The following ERP44 variants were observed in gnomAD, a reference collection of about 807,000 sequenced individuals.
The protein encoded by ERP44 is endoplasmic reticulum resident protein 44.
ERP44 carries 25 observed loss-of-function variants against 53.4 expected under a neutral mutation model. The ratio of observed to expected loss-of-function variants is 0.47; its 90% CI spans 0.34 to 0.65. The LOEUF (loss-of-function observed/expected upper bound fraction) is 0.65. Among genes scored for constraint, ERP44 ranks in the 30% least tolerant of loss-of-function variants. The pLI, the probability that ERP44 is intolerant of heterozygous loss-of-function variation, is 0.01. For missense variants in ERP44, 338 were observed against 493.2 expected, an observed-to-expected ratio of 0.69 and a Z score of 2.98; for synonymous variants, 145 against 161.2, an observed-to-expected ratio of 0.90 and a Z score of 0.76.
chr9:100,053,122 C>T (rs1239502337), intron 3 of ERP44, among the ~76,000 whole-genome samples: 1 of 152,072 alleles, frequency 6.6e-6, no homozygotes, highest in African/African-American at 2.4e-5. Context: ...TCTATCAAAT[C>T]TCACAGGCAA....
At chr9:100,028,685 G>T (rs539451656) in intron 4 of ERP44, among the ~76,000 whole-genome samples, 1 of 152,312 alleles carries the variant, frequency 6.6e-6, no homozygotes, top group East Asian at 1.9e-4. Context: ...AAACTCTGAG[G>T]TTAGTCAAAT....
At chr9:100,010,898 T>C (rs1282199998) in intron 8 of ERP44, among the ~76,000 whole-genome samples, 4 of 98,780 alleles carry the variant, frequency 4.0e-5, no homozygotes, top group Non-Finnish European at 8.0e-5. Flanking sequence ...CGAAACTCCA[T>C]CTCAAAAAAA....
At chr9:99,986,740 C>T (rs1049331193) in intron 10 of ERP44, among the ~76,000 whole-genome samples, 1 of 152,204 alleles carries the variant, frequency 6.6e-6, no homozygotes, top group African/African-American at 2.4e-5. Flanking sequence ...GTGCCAAATG[C>T]ACAGTTTACA....
At chr9:100,060,042 A>G (rs112603805) in intron 2 of ERP44, 58 bp downstream of exon 2, 352 of 1,281,168 alleles carry the variant, frequency 2.7e-4, no homozygotes, top group Non-Finnish European at 3.4e-4. Context: ...TTTTGTATAT[A>G]TAAACTAACT....
intron 4 of ERP44, among the ~76,000 whole-genome samples, chr9:100,045,673 T>C (rs533028379): frequency 1.1e-4 from 17 of 151,924 alleles, no homozygotes; most frequent in Non-Finnish European, 2.5e-4. Flanking sequence ...AAGCAGTGAG[T>C]TGGAAGCAAG....
intron 3 of ERP44, among the ~76,000 whole-genome samples, chr9:100,054,187 T>G (rs1341995861): frequency 6.6e-6 from 1 of 152,224 alleles, no homozygotes; most frequent in African/African-American, 2.4e-5. Context: ...TCATGGACCG[T>G]GTCTTATTTG....
intron 1 of ERP44, 43 bp downstream of exon 1, chr9:100,098,741 C>T: frequency 6.4e-7 from 1 of 1,551,084 alleles, no homozygotes; most frequent in Admixed American, 1.7e-5. Flanking sequence ...GGGCCGGAGG[C>T]CGTTCGTGCG....
intron 1 of ERP44, among the ~76,000 whole-genome samples, chr9:100,081,329 C>A (rs1014557950): frequency 2.0e-4 from 30 of 151,950 alleles, no homozygotes; most frequent in African/African-American, 7.0e-4. Context: ...TTTAATAAGA[C>A]AAAAAGAAAA....
chr9:100,005,214 A>G (rs1277148683), intron 10 of ERP44, among the ~76,000 whole-genome samples: 1 of 152,192 alleles, frequency 6.6e-6, no homozygotes, highest in Non-Finnish European at 1.5e-5. Flanking sequence ...AAACTTCTAC[A>G]AAACTTTATA....
intron 7 of ERP44, among the ~76,000 whole-genome samples, chr9:100,017,863 T>C (rs1021045616): frequency 2.6e-5 from 4 of 152,172 alleles, no homozygotes; most frequent in Admixed American, 6.5e-5. Context: ...AGTAAATTTA[T>C]ACCCCAGAAG....
In ERP44 at chr9:100,075,653, T is replaced by G. The variant is rs578164732; in HGVS notation, c.58-15481A>C. ...TAGGGACGTTCTAACTCAGTAAAAT[T>G]TCTAGGGTTTCAGTGGTGTGGGGCC... On this transcript the variant is annotated intron_variant, in intron 1 of 11. Transcript: ENST00000262455. 3.9e-5 allele frequency among the ~76,000 whole-genome samples: 6 copies of G among 152,282 alleles called. No individual in the cohort carries two copies. The South Asian group carries it at 1.2e-3, about 32-fold the overall frequency.
rs373546780 is a variant in ERP44 at position 99,985,052 on chromosome 9, T to C, written c.1034A>G (p.Lys345Arg). 5 of 1,611,658 alleles carry C rather than the reference T, an allele frequency of 3.1e-6. No individual in the cohort carries two copies. The highest frequency in any genetic ancestry group is 2.2e-5 in the East Asian group (1 of 44,844). ...FKDVLIPGKL[K>R]QFVFDLHSGK... ...AGAATGTAAGTCAAATACGAATTGC[T>C]TGAGTTTTCCAGGAATTCTAAAACC... Residue 345 changes from lysine to arginine, a missense_variant, in exon 11 of 12, where the codon AAG becomes AGG. By Grantham distance (26) the Lys-to-Arg change is conservative. Coordinates refer to ENST00000262455, the MANE Select transcript of ERP44 (RefSeq NM_015051.3).
intron 4 of ERP44, among the ~76,000 whole-genome samples, chr9:100,041,227 C>T (rs530321550): frequency 6.6e-6 from 1 of 152,226 alleles, no homozygotes; most frequent in African/African-American, 2.4e-5. Flanking sequence ...CTGGAGGAAT[C>T]CCATCACCTG....
At chr9:100,032,117 C>CT (rs993698408) in intron 4 of ERP44, among the ~76,000 whole-genome samples, 6 of 151,806 alleles carry the variant, frequency 4.0e-5, no homozygotes, top group African/African-American at 1.2e-4. Context: ...CTGGCTCCCT[C>CT]TTTTTTTTGG....
chr9:100,019,050 C>T (rs2118650965), intron 6 of ERP44, among the ~76,000 whole-genome samples: 1 of 152,220 alleles, frequency 6.6e-6, no homozygotes, highest in African/African-American at 2.4e-5. Flanking sequence ...TAGAGACAGA[C>T]TAACAAGTAG....
chr9:100,041,939 A>G (rs1825908625), intron 4 of ERP44, among the ~76,000 whole-genome samples: 1 of 152,250 alleles, frequency 6.6e-6, no homozygotes, highest in South Asian at 2.1e-4. Flanking sequence ...CTCAGACTTC[A>G]AACTATGAAA....
intron 4 of ERP44, among the ~76,000 whole-genome samples, chr9:100,024,165 C>T (rs892282432): frequency 1.3e-5 from 2 of 149,526 alleles, no homozygotes; most frequent in Non-Finnish European, 2.9e-5. Context: ...ACAACAACAA[C>T]AACAACAACA....
At chr9:100,074,203 C>A (rs914402329) in intron 1 of ERP44, among the ~76,000 whole-genome samples, 4 of 152,270 alleles carry the variant, frequency 2.6e-5, no homozygotes, top group East Asian at 3.9e-4. Flanking sequence ...TGGGTTATCA[C>A]AGGAGTCCCC....
intron 8 of ERP44, among the ~76,000 whole-genome samples, chr9:100,013,187 A>G (rs1484124728): frequency 6.6e-6 from 1 of 152,226 alleles, no homozygotes; most frequent in Non-Finnish European, 1.5e-5. Context: ...CAAATCTGAA[A>G]GCACTTAACA....
Sources: allele counts gnomAD v4.1 joint callset (sites outside exome capture counted in the v4.1 genomes callset), GRCh38; gene constraint gnomAD v4.1.1; transcripts MANE v1.5; gene names NCBI Gene and HGNC (gene_info 2026-07-23, HGNC 2026-07-21).